Variants in C10orf90 observed in about 807,000 individuals in gnomAD.
C10orf90 encodes (E2-independent) E3 ubiquitin-conjugating enzyme FATS.
Under a neutral mutation model 62.5 loss-of-function variants are expected in C10orf90, and 56 were observed. The observed-to-expected ratio is 0.90, with a 90% CI of 0.72 to 1.12. C10orf90 has a LOEUF of 1.12. Ranked by LOEUF, C10orf90 falls within the 50% of genes most tolerant of loss-of-function variation. The pLI, the probability that C10orf90 is intolerant of heterozygous loss-of-function variation, is 0.00. For synonymous variants in C10orf90, 386 were observed against 340.4 expected (o/e 1.13, Z -1.47); for missense variants, 970 against 880.4 (o/e 1.10, Z -1.29).
intron 2 of C10orf90, chr10:126,520,019 T>C (rs1863652867): frequency 6.6e-6 from 1 of 152,324 alleles, no homozygotes; most frequent in African/African-American, 2.4e-5. Context: ...CCTTGGCCAG[T>C]GGTTGAGCAA....
chr10:126,605,520 G>C (rs1371603492), intron 2 of C10orf90, among the ~76,000 whole-genome samples: 1 of 152,242 alleles, frequency 6.6e-6, no homozygotes, highest in East Asian at 1.9e-4. Context: ...AGAGCCTGTG[G>C]AAGTGGTCCT....
At chr10:126,512,372 CTGTGTGTGTGTGTCTGTG>C (rs1564847027) in intron 3 of C10orf90, among the ~76,000 whole-genome samples, 1 of 64,916 alleles carries the variant, frequency 1.5e-5, no homozygotes, top group East Asian at 6.3e-4. Flanking sequence ...GTATGTGTGT[CTGTGTGTGTGTGTCTGTG>C]TGTGTGTGTG....
chr10:126,462,095 T>C (rs1270677393), intron 5 of C10orf90, among the ~76,000 whole-genome samples: 3 of 152,158 alleles, frequency 2.0e-5, no homozygotes, highest in Middle Eastern at 3.2e-3. Flanking sequence ...TTTGGGGCTC[T>C]TCCTGGGGCC....
intron 2 of C10orf90, among the ~76,000 whole-genome samples, chr10:126,600,401 A>T (rs1018160285): frequency 3.9e-5 from 6 of 152,236 alleles, no homozygotes; most frequent in Admixed American, 2.6e-4. Flanking sequence ...TGTTGTGTGC[A>T]GAAACCTGTG....
At chr10:126,523,033 GTGT>G (rs1254597366) in intron 2 of C10orf90, 8 of 152,186 alleles carry the variant, frequency 5.3e-5, no homozygotes, top group African/African-American at 1.9e-4. Context: ...AAAAAACAGT[GTGT>G]TATTAGATAC....
intron 3 of C10orf90, among the ~76,000 whole-genome samples, chr10:126,512,338 A>ATGTGTG (rs1303066476): frequency 2.5e-4 from 25 of 100,248 alleles, no homozygotes; most frequent in African/African-American, 9.3e-4. Context: ...ATGTGTGTGT[A>ATGTGTG]TGTGTGTGTG....
At position 126,607,641 on chromosome 10, in the gene C10orf90, A is replaced by AT. The variant is rs1178420324; in HGVS notation, c.313+38923dup. On this transcript the variant is annotated intron_variant, in intron 2 of 9. Transcript: ENST00000488181. ...GTGGTAATATCAATGAATTCTTTTCATATTGTAAAATAAAATGTACCAATA... is the reference window on the plus strand; with the variant it reads ...GTGGTAATATCAATGAATTCTTTTCATTATTGTAAAATAAAATGTACCAATA... 2.6e-5 allele frequency among the ~76,000 whole-genome samples: 4 copies of AT among 152,316 alleles called. No homozygotes were observed. In the East Asian group the frequency reaches 7.7e-4, roughly 29 times the overall value.
intron 2 of C10orf90, among the ~76,000 whole-genome samples, chr10:126,620,512 A>T (rs999346100): frequency 3.9e-5 from 6 of 152,226 alleles, no homozygotes; most frequent in Non-Finnish European, 8.8e-5. Context: ...TCCTTAGGAC[A>T]CAGTCTTGTT....
chr10:126,628,125 G>A (rs904897013), intron 2 of C10orf90, among the ~76,000 whole-genome samples: 3 of 152,190 alleles, frequency 2.0e-5, no homozygotes, highest in Non-Finnish European at 4.4e-5. Context: ...TGGCAGGGAA[G>A]AGGCCTGGAT....
intron 3 of C10orf90, among the ~76,000 whole-genome samples, chr10:126,513,205 A>G (rs564581197): frequency 6.6e-6 from 1 of 152,310 alleles, no homozygotes; most frequent in East Asian, 1.9e-4. Context: ...AGAGCAAGCT[A>G]AGTACAAAAG....
intron 2 of C10orf90, among the ~76,000 whole-genome samples, chr10:126,537,599 T>C (rs1282497958): frequency 6.6e-6 from 1 of 152,196 alleles, no homozygotes; most frequent in African/African-American, 2.4e-5. Flanking sequence ...TCCTTGGATT[T>C]CTCACCACTT....
At chr10:126,434,737 C>T (rs1457066098) in intron 7 of C10orf90, among the ~76,000 whole-genome samples, 1 of 152,162 alleles carries the variant, frequency 6.6e-6, no homozygotes, top group Non-Finnish European at 1.5e-5. Flanking sequence ...TCTAAGATCA[C>T]AAGGCTGTGC....
chr10:126,610,692 T>A (rs889025781), intron 2 of C10orf90, among the ~76,000 whole-genome samples: 1 of 152,234 alleles, frequency 6.6e-6, no homozygotes, highest in Non-Finnish European at 1.5e-5. Context: ...ACATATTAAA[T>A]CAAATGCTTC....
At chr10:126,592,323 A>T (rs950492943) in intron 2 of C10orf90, among the ~76,000 whole-genome samples, 15 of 152,234 alleles carry the variant, frequency 9.9e-5, no homozygotes, top group Admixed American at 8.5e-4. Context: ...CCAAAACAGC[A>T]TGGTACTGGT....
In C10orf90 at chr10:126,552,286, A is replaced by G. The variant is rs78016868; in HGVS notation, c.314-38347T>C. On this transcript the variant is annotated intron_variant, in intron 2 of 9. Transcript: ENST00000488181. ...AAATATCTGTTGAAGGAATGAACAG[A>G]ACAGCTTGCCTTTGTTATCTTTAAG... Among the ~76,000 whole-genome samples the G allele has an allele frequency of 6.9e-3, 1,044 of 152,346 alleles. 8 individuals are homozygous for G. Among genetic ancestry groups the G allele is most frequent in the African/African-American group, 0.024 (981 of 41,570 alleles).
intron 3 of C10orf90, among the ~76,000 whole-genome samples, chr10:126,507,814 A>G (rs180872876): frequency 1.5e-4 from 23 of 152,302 alleles, no homozygotes; most frequent in Non-Finnish European, 2.9e-4. Context: ...TCCAGCCTGT[A>G]GCCCCAACAT....
At chr10:126,441,115 G>A (rs1228495166) in intron 7 of C10orf90, among the ~76,000 whole-genome samples, 2 of 152,088 alleles carry the variant, frequency 1.3e-5, no homozygotes, top group Non-Finnish European at 2.9e-5. Context: ...GTGGAGCCCA[G>A]TGCAAGGAAA....
intron 1 of C10orf90, among the ~76,000 whole-genome samples, chr10:126,658,497 C>CA (rs1487898015): frequency 6.6e-6 from 1 of 152,184 alleles, no homozygotes; most frequent in Non-Finnish European, 1.5e-5. Context: ...CTATAAGCTA[C>CA]AAAAAACATG....
intron 4 of C10orf90, among the ~76,000 whole-genome samples, chr10:126,472,279 AG>A (rs1264235157): frequency 3.9e-5 from 6 of 152,252 alleles, no homozygotes; most frequent in Non-Finnish European, 7.3e-5. Context: ...ATCACTGTAA[AG>A]AAAACCTGAC....
Sources: gnomAD v4.1 joint callset for allele counts (sites outside exome capture counted in the v4.1 genomes callset) on GRCh38, gnomAD v4.1.1 for gene constraint, MANE v1.5 for transcripts, NCBI Gene and HGNC (gene_info 2026-07-23, HGNC 2026-07-21) for gene names.